Variants in LRP1B observed in about 807,000 individuals in gnomAD.
LRP1B encodes the protein LDL receptor related protein 1B.
In LRP1B, 217 loss-of-function variants were observed where a neutral mutation model predicts 556.6. The observed-to-expected ratio is 0.39, with a 90% CI of 0.35 to 0.44. LRP1B has a LOEUF of 0.44. Among genes scored for constraint, LRP1B ranks in the 20% least tolerant of loss-of-function variants. LRP1B has a pLI of 1.00. For synonymous variants in LRP1B, 2,047 were observed against 1,865.8 expected, an observed-to-expected ratio of 1.10 and a Z score of -2.50; for missense variants, 5,053 against 5,620.8, an observed-to-expected ratio of 0.90 and a Z score of 3.23.
At chr2:140,618,882 A>G (rs1411830386) in intron 41 of LRP1B, among the ~76,000 whole-genome samples, 1 of 152,062 alleles carries the variant, frequency 6.6e-6, no homozygotes, top group Non-Finnish European at 1.5e-5. Context: ...AGAAGGTATA[A>G]TAATGTGGGT....
intron 20 of LRP1B, among the ~76,000 whole-genome samples, chr2:140,941,068 G>A (rs1695386613): frequency 6.6e-6 from 1 of 151,918 alleles, no homozygotes; most frequent in Non-Finnish European, 1.5e-5. Flanking sequence ...GTTTTCTGAA[G>A]ACACATCTTC....
intron 3 of LRP1B, among the ~76,000 whole-genome samples, chr2:141,304,062 C>A (rs1402352279): frequency 6.6e-6 from 1 of 152,024 alleles, no homozygotes; most frequent in Non-Finnish European, 1.5e-5. Context: ...TCTATGTATT[C>A]TTTTGAGAAA....
chr2:140,254,619 T>C (rs1017426297), intron 86 of LRP1B, among the ~76,000 whole-genome samples: 9 of 152,152 alleles, frequency 5.9e-5, no homozygotes, highest in Admixed American at 1.3e-4. Context: ...AGTGGTATGA[T>C]CTCGGCTCAC....
chr2:141,859,344 A>G (rs1698167520), intron 1 of LRP1B, among the ~76,000 whole-genome samples: 1 of 152,126 alleles, frequency 6.6e-6, no homozygotes, highest in Non-Finnish European at 1.5e-5. Context: ...ATAGTCTATG[A>G]GTTTATAAAA....
chr2:140,379,469 C>T (rs1455383726), intron 67 of LRP1B, among the ~76,000 whole-genome samples: 1 of 151,980 alleles, frequency 6.6e-6, no homozygotes, highest in Non-Finnish European at 1.5e-5. Flanking sequence ...CCGAGGCGGG[C>T]AGATCAGTTG....
chr2:141,403,944 C>T (rs766778816), intron 3 of LRP1B, among the ~76,000 whole-genome samples: 2 of 152,072 alleles, frequency 1.3e-5, no homozygotes, highest in Non-Finnish European at 2.9e-5. Flanking sequence ...AAATACAATT[C>T]GTTTCATAAT....
chr2:141,654,057 C>T (rs961106280), intron 2 of LRP1B, among the ~76,000 whole-genome samples: 1 of 151,920 alleles, frequency 6.6e-6, no homozygotes, highest in Non-Finnish European at 1.5e-5. Flanking sequence ...TTCTCATGGG[C>T]AGGAATAGAA....
chr2:141,307,381 A>G (rs568467849), intron 3 of LRP1B, among the ~76,000 whole-genome samples: 8 of 151,706 alleles, frequency 5.3e-5, no homozygotes, highest in Non-Finnish European at 8.8e-5. Context: ...GTCTCTTTTT[A>G]CTGTTTTGGA....
rs569919650 is a variant in LRP1B, at chr2:141,346,854, G to A, written c.344-92213C>T. ...TAATACAGGTAACATATATCCATCTGCTTTCTAGCTTCCAATGTTTTTATT... is the reference window on the plus strand; with the variant it reads ...TAATACAGGTAACATATATCCATCTACTTTCTAGCTTCCAATGTTTTTATT... On this transcript the variant is annotated intron_variant, in intron 3 of 90. Coordinates refer to ENST00000389484, the MANE Select transcript of LRP1B (RefSeq NM_018557.3). Among the ~76,000 whole-genome samples, 77 of 152,064 alleles carry A rather than the reference G, an allele frequency of 5.1e-4. 1 individual carries two copies. The highest frequency in any genetic ancestry group is 6.8e-3 in the Middle Eastern group (2 of 294).
intron 1 of LRP1B, among the ~76,000 whole-genome samples, chr2:141,881,216 G>GT (rs1698948543): frequency 6.6e-6 from 1 of 152,120 alleles, no homozygotes; most frequent in Admixed American, 6.6e-5. Flanking sequence ...CTGAAATTGC[G>GT]TGAGAGAAGG....
At position 141,892,323 on chromosome 2, in the gene LRP1B, G is replaced by A. The variant is rs148831956; in HGVS notation, c.83-81922C>T. ...ATTTCATCCAAGAAATTGGAGTGACGATTTAACTTGCTTGAAATAAGATAT... is the reference window on the plus strand; with the variant it reads ...ATTTCATCCAAGAAATTGGAGTGACAATTTAACTTGCTTGAAATAAGATAT... On this transcript the variant is annotated intron_variant, in intron 1 of 90. Transcript: ENST00000389484. Among the ~76,000 whole-genome samples, 320 of 151,870 alleles carry A rather than the reference G, an allele frequency of 2.1e-3. 1 individual carries two copies. The highest frequency in any genetic ancestry group is 7.1e-3 in the African/African-American group (295 of 41,496).
At chr2:140,932,287 C>T (rs1016847613) in intron 20 of LRP1B, among the ~76,000 whole-genome samples, 3 of 152,038 alleles carry the variant, frequency 2.0e-5, no homozygotes, top group Non-Finnish European at 4.4e-5. Context: ...TATAATATGT[C>T]TGTCTCCTTG....
chr2:140,576,355 A>G (rs1681526061), intron 43 of LRP1B, among the ~76,000 whole-genome samples: 2 of 152,224 alleles, frequency 1.3e-5, no homozygotes, highest in Non-Finnish European at 1.5e-5. Flanking sequence ...GCTTTGTAAG[A>G]CGTAAGTCAG....
At chr2:140,889,370 A>G (rs1693732824) in intron 23 of LRP1B, among the ~76,000 whole-genome samples, 1 of 152,196 alleles carries the variant, frequency 6.6e-6, no homozygotes, top group Non-Finnish European at 1.5e-5. Context: ...ATCTTGACTC[A>G]TTGAAACCTC....
At chr2:140,812,310 G>A (rs1690956431) in intron 32 of LRP1B, among the ~76,000 whole-genome samples, 1 of 151,984 alleles carries the variant, frequency 6.6e-6, no homozygotes, top group South Asian at 2.1e-4. Flanking sequence ...ATATTTTAAT[G>A]TCTATATTTC....
At chr2:140,297,182 G>A (rs542458137) in intron 84 of LRP1B, among the ~76,000 whole-genome samples, 206 of 152,192 alleles carry the variant, frequency 1.4e-3, no homozygotes, top group Non-Finnish European at 2.4e-3. Flanking sequence ...AAAGAAGCTG[G>A]GGGGATGTGC....
At chr2:140,861,376 C>T (rs897746481) in intron 27 of LRP1B, among the ~76,000 whole-genome samples, 1 of 152,182 alleles carries the variant, frequency 6.6e-6, no homozygotes, top group Non-Finnish European at 1.5e-5. Flanking sequence ...CACTGCACTC[C>T]AGCCTGAGAG....
At chr2:141,862,980 T>A (rs1051527766) in intron 1 of LRP1B, among the ~76,000 whole-genome samples, 3 of 152,192 alleles carry the variant, frequency 2.0e-5, no homozygotes, top group African/African-American at 7.2e-5. Flanking sequence ...TGAATAGACC[T>A]TCTTATTGCT....
In LRP1B at chr2:141,238,857, T is replaced by C. The variant is rs1016308715; in HGVS notation, c.592+8369A>G. 1.2e-4 allele frequency among the ~76,000 whole-genome samples: 19 copies of C among 152,174 alleles called. No homozygotes were observed. The South Asian group carries it at 1.9e-3, about 15-fold the overall frequency. On this transcript the variant is annotated intron_variant, in intron 5 of 90. Coordinates refer to ENST00000389484, the MANE Select transcript of LRP1B (RefSeq NM_018557.3). ...AAGATGGAAAACTGAAGAAAGAGCA[T>C]TATTAAGATAGAAAATCAAAAGTTC...
Sources: allele counts gnomAD v4.1 joint callset (sites outside exome capture counted in the v4.1 genomes callset), GRCh38; gene constraint gnomAD v4.1.1; transcripts MANE v1.5; gene names NCBI Gene and HGNC (gene_info 2026-07-23, HGNC 2026-07-21).